Variants in KLHL1 observed in about 807,000 individuals in gnomAD.
KLHL1 encodes the protein kelch-like protein 1.
Under a neutral mutation model 77.7 loss-of-function variants are expected in KLHL1, and 47 were observed. The ratio of observed to expected loss-of-function variants is 0.60; its 90% CI spans 0.48 to 0.77. The LOEUF is 0.77. Ranked by LOEUF, KLHL1 falls within the 30% of genes least tolerant of loss-of-function variation. The probability of loss-of-function intolerance (pLI) is 0.00; values close to 1 mark genes in which losing one functional copy is unlikely to be tolerated. For missense variants in KLHL1, 925 were observed against 910.8 expected (o/e 1.02, Z -0.20); for synonymous variants, 360 against 325.2 (o/e 1.11, Z -1.15).
At chr13:70,050,100 G>A (rs1462352598) in intron 1 of KLHL1, among the ~76,000 whole-genome samples, 1 of 151,752 alleles carries the variant, frequency 6.6e-6, no homozygotes, top group Non-Finnish European at 1.5e-5. Flanking sequence ...TATTTAAATT[G>A]AGCAGATGAC....
At chr13:69,855,409 C>G (rs1879868150) in intron 5 of KLHL1, among the ~76,000 whole-genome samples, 1 of 150,472 alleles carries the variant, frequency 6.6e-6, no homozygotes, top group African/African-American at 2.5e-5. Flanking sequence ...GATAGAGATA[C>G]AGATAGAGAT....
chr13:69,787,813 A>G (rs971588015), intron 7 of KLHL1, among the ~76,000 whole-genome samples: 15 of 151,768 alleles, frequency 9.9e-5, no homozygotes, highest in African/African-American at 3.6e-4. Context: ...TTTACAAGAA[A>G]AAAACAAACA....
chr13:69,772,874 T>A (rs1458468442), intron 7 of KLHL1, among the ~76,000 whole-genome samples: 1 of 152,132 alleles, frequency 6.6e-6, no homozygotes, highest in Non-Finnish European at 1.5e-5. Context: ...ATTTGATAAA[T>A]ATAAACAAAG....
chr13:69,754,132 G>T (rs968720129), intron 7 of KLHL1, among the ~76,000 whole-genome samples: 6 of 151,940 alleles, frequency 3.9e-5, no homozygotes, highest in Non-Finnish European at 7.4e-5. Flanking sequence ...GTGAGTCATT[G>T]CACCCAGCCA....
chr13:69,892,857 A>G (rs1040543843), intron 4 of KLHL1, among the ~76,000 whole-genome samples: 5 of 152,228 alleles, frequency 3.3e-5, no homozygotes, highest in African/African-American at 1.2e-4. Flanking sequence ...TCAATGAGGA[A>G]TACATTACAT....
intron 1 of KLHL1, among the ~76,000 whole-genome samples, chr13:70,088,205 T>C (rs1394479526): frequency 2.0e-5 from 3 of 152,278 alleles, no homozygotes; most frequent in African/African-American, 7.2e-5. Context: ...TACAAAATTG[T>C]ATTATAAAAC....
At chr13:69,757,931 T>C (rs1874832321) in intron 7 of KLHL1, among the ~76,000 whole-genome samples, 1 of 121,922 alleles carries the variant, frequency 8.2e-6, no homozygotes, top group African/African-American at 3.2e-5. Flanking sequence ...CACTGCAGCC[T>C]GAGTAACAAG....
intron 1 of KLHL1, among the ~76,000 whole-genome samples, chr13:70,097,428 A>G (rs997217644): frequency 6.6e-6 from 1 of 151,980 alleles, no homozygotes; most frequent in South Asian, 2.1e-4. Flanking sequence ...ATAAACAGTA[A>G]AGAAAAGAAC....
At chr13:70,058,820 G>C (rs904768115) in intron 1 of KLHL1, among the ~76,000 whole-genome samples, 1 of 152,122 alleles carries the variant, frequency 6.6e-6, no homozygotes, top group Non-Finnish European at 1.5e-5. Context: ...ACACTACAGA[G>C]CTATAGTAAC....
At chr13:69,932,721 T>G (rs960593422) in intron 4 of KLHL1, among the ~76,000 whole-genome samples, 3 of 151,864 alleles carry the variant, frequency 2.0e-5, no homozygotes, top group African/African-American at 7.2e-5. Context: ...CTATGTGTTA[T>G]ATCTTAATGT....
At chr13:69,846,419 G>A (rs571791273) in intron 5 of KLHL1, among the ~76,000 whole-genome samples, 496 of 151,438 alleles carry the variant, frequency 3.3e-3, no homozygotes, top group Non-Finnish European at 5.7e-3. Flanking sequence ...ATGAAAAATC[G>A]GAATAATTTA....
At chr13:69,725,902 A>T (rs1446314663) in intron 8 of KLHL1, among the ~76,000 whole-genome samples, 1 of 152,060 alleles carries the variant, frequency 6.6e-6, no homozygotes. Flanking sequence ...CCTATGTAGC[A>T]TGGTGCATTC....
At chr13:69,985,086 T>C (rs1884824605) in intron 1 of KLHL1, among the ~76,000 whole-genome samples, 1 of 152,056 alleles carries the variant, frequency 6.6e-6, no homozygotes, top group Admixed American at 6.6e-5. Context: ...CACTACAGAC[T>C]GGATGACAGA....
rs1226714960 is a variant in KLHL1 at position 69,882,276 on chromosome 13, T to G, written c.1227+7A>C. The G allele has an allele frequency of 6.3e-7, 1 of 1,593,746 alleles. No individual in the cohort carries two copies. The highest frequency in any genetic ancestry group is 8.6e-7 in the Non-Finnish European group (1 of 1,161,630). On this transcript the variant is annotated splice_region_variant and intron_variant, in intron 5 of 10. Transcript: ENST00000377844. ...GAATCTATTTAAACAGCGTCACACA[T>G]CATTACCTGTGGTGGAAGCAGTGGC...
In KLHL1 at chr13:69,794,271, G is replaced by C. The variant is rs563474958; in HGVS notation, c.1639+2467C>G. Among the ~76,000 whole-genome samples, 8 of 152,242 alleles carry C rather than the reference G, an allele frequency of 5.3e-5. No individual in the cohort carries two copies. In the East Asian group the frequency reaches 1.5e-3, roughly 29 times the overall value. ...CAGGCTTAGGGCTTCATGCCCAGCT[G>C]TAATTCCCCCAGCTACTCCTGATTG... On this transcript the variant is annotated intron_variant, in intron 7 of 10. Transcript: ENST00000377844.
In KLHL1 at chr13:70,083,610, G is replaced by A. The variant is rs146910299; in HGVS notation, c.497+23593C>T. On this transcript the variant is annotated intron_variant, in intron 1 of 10. Transcript: ENST00000377844. ...AAAGATATCAAACAGGGTATATGCT[G>A]TCTAAATTATATGAGAAAAAAGTAA... Among the ~76,000 whole-genome samples the A allele has an allele frequency of 2.7e-3, 415 of 152,182 alleles. 1 individual carries two copies. Among genetic ancestry groups the A allele is most frequent in the African/African-American group, 9.6e-3 (400 of 41,526 alleles).
chr13:69,775,856 A>T (rs1875801418), intron 7 of KLHL1, among the ~76,000 whole-genome samples: 1 of 152,036 alleles, frequency 6.6e-6, no homozygotes, highest in African/African-American at 2.4e-5. Flanking sequence ...GCATTTTAAA[A>T]AAATTATTAT....
At chr13:69,977,973 A>G (rs1313167415) in intron 1 of KLHL1, among the ~76,000 whole-genome samples, 1 of 152,106 alleles carries the variant, frequency 6.6e-6, no homozygotes, top group Non-Finnish European at 1.5e-5. Context: ...TCTACACAAT[A>G]TGTTATCTTC....
chr13:69,757,632 T>G (rs1189037006), intron 7 of KLHL1, among the ~76,000 whole-genome samples: 1 of 152,002 alleles, frequency 6.6e-6, no homozygotes, highest in Admixed American at 6.6e-5. Context: ...GTCAAATAGG[T>G]TAAAGGTTTA....
Sources: allele counts gnomAD v4.1 joint callset (sites outside exome capture counted in the v4.1 genomes callset), GRCh38; gene constraint gnomAD v4.1.1; transcripts MANE v1.5; gene names NCBI Gene and HGNC (gene_info 2026-07-23, HGNC 2026-07-21).